PHF21B: variants seen among roughly 807,000 people sequenced by gnomAD.
PHF21B encodes PHD finger protein 21B.
PHF21B carries 22 observed loss-of-function variants against 62.2 expected under a neutral mutation model. That is an observed-to-expected ratio of 0.35 (90% CI 0.25 to 0.51). The LOEUF (loss-of-function observed/expected upper bound fraction) is 0.51. PHF21B is among the 20% of genes least tolerant of loss of function. PHF21B has a pLI of 0.97. For missense variants in PHF21B, 701 were observed against 707.9 expected (o/e 0.99, Z 0.11); for synonymous variants, 341 against 314.7 (o/e 1.08, Z -0.88).
intron 6 of PHF21B, among the ~76,000 whole-genome samples, chr22:44,895,008 G>A (rs1035875964): frequency 2.6e-5 from 4 of 151,422 alleles, no homozygotes; most frequent in African/African-American, 9.7e-5. Context: ...CGGGCACCGC[G>A]GGGGTTCACT....
chr22:44,933,845 G>C (rs538707341), intron 2 of PHF21B, among the ~76,000 whole-genome samples: 1 of 152,138 alleles, frequency 6.6e-6, no homozygotes, highest in African/African-American at 2.4e-5. Flanking sequence ...AGGGTTTTCC[G>C]GGCACAGTAA....
chr22:44,938,142 T>C (rs995904137), intron 2 of PHF21B, among the ~76,000 whole-genome samples: 1 of 152,266 alleles, frequency 6.6e-6, no homozygotes, highest in Non-Finnish European at 1.5e-5. Context: ...TACCTCGATC[T>C]CGGCTCACTG....
chr22:44,997,572 T>C (rs1203380397), intron 2 of PHF21B, among the ~76,000 whole-genome samples: 1 of 152,192 alleles, frequency 6.6e-6, no homozygotes, highest in Non-Finnish European at 1.5e-5. Flanking sequence ...TTGCTGATTG[T>C]AGGAAATGCT....
In PHF21B at chr22:44,906,787, C is replaced by G. The variant is rs1347167614; in HGVS notation, c.831+7035G>C. Among the ~76,000 whole-genome samples the G allele has an allele frequency of 2.6e-5, 4 of 152,222 alleles. No homozygotes were observed. The South Asian group carries it at 8.3e-4, about 31-fold the overall frequency. ...CTGCCCCCCGCTACTGTGCAGCCGC[C>G]GTGACGACAGGGGGAGAAGGAAGGG... On this transcript the variant is annotated intron_variant, in intron 5 of 12. Transcript: ENST00000313237.
intron 2 of PHF21B, among the ~76,000 whole-genome samples, chr22:44,978,626 T>C (rs1167594538): frequency 1.3e-5 from 2 of 152,268 alleles, no homozygotes; most frequent in African/African-American, 4.8e-5. Flanking sequence ...CCCAAAGTGC[T>C]GGGATTACAG....
chr22:44,978,354 TTTTG>T (rs953062108), intron 2 of PHF21B, among the ~76,000 whole-genome samples: 3 of 151,998 alleles, frequency 2.0e-5, no homozygotes, highest in South Asian at 2.1e-4. Context: ...GTGATTTTGT[TTTTG>T]TTTGTTTTGT....
intron 2 of PHF21B, among the ~76,000 whole-genome samples, chr22:44,924,385 A>G (rs2071593324): frequency 6.6e-6 from 1 of 152,214 alleles, no homozygotes; most frequent in Non-Finnish European, 1.5e-5. Flanking sequence ...AGTTAAACTT[A>G]TGTATGGCAA....
intron 2 of PHF21B, among the ~76,000 whole-genome samples, chr22:44,984,044 CCAT>C (rs1344402588): frequency 1.1e-4 from 16 of 148,638 alleles, no homozygotes; most frequent in African/African-American, 3.8e-4. Context: ...ATCATCACCA[CCAT>C]CATCACTATC....
At position 44,916,506 on chromosome 22, in the gene PHF21B, AGGGCT is replaced by A; in HGVS notation, c.333_337del (p.Ala112ProfsTer61). The A allele has an allele frequency of 8.2e-7, 1 of 1,212,568 alleles. No individual in the cohort carries two copies. The highest frequency in any genetic ancestry group is 1.1e-6 in the Non-Finnish European group (1 of 870,936). The allele number at this position is 1,212,568 out of a possible 1,614,324, so 75.1% of individuals were successfully genotyped here. ...GCTGACAGTGTTGTTGGCGGTGGGG[AGGGCT>A]GGGCTGGGGTTCTTGACGCTGACCA... On this transcript the variant is annotated frameshift_variant, in exon 4 of 13. Transcript: ENST00000313237. LOFTEE classifies it high-confidence loss of function.
At chr22:44,979,359 G>A (rs758831676) in intron 2 of PHF21B, among the ~76,000 whole-genome samples, 31 of 152,246 alleles carry the variant, frequency 2.0e-4, no homozygotes, top group Non-Finnish European at 3.8e-4. Flanking sequence ...AGAGGCTGTC[G>A]TGGTCTCTGA....
chr22:44,948,613 C>T (rs995128600), intron 2 of PHF21B, among the ~76,000 whole-genome samples: 2 of 151,806 alleles, frequency 1.3e-5, no homozygotes, highest in South Asian at 2.1e-4. Context: ...ATCGCTCGAA[C>T]CCGGGAGGCA....
rs1374045164 is a variant in PHF21B, at chr22:44,903,030, T to C, written c.832-6947A>G. Among the ~76,000 whole-genome samples, 3 of 152,210 alleles carry C rather than the reference T, an allele frequency of 2.0e-5. 1 individual carries two copies. Among genetic ancestry groups the C allele is most frequent in the Non-Finnish European group, 4.4e-5 (3 of 68,040 alleles). On this transcript the variant is annotated intron_variant, in intron 5 of 12. Coordinates refer to ENST00000313237, the MANE Select transcript of PHF21B (RefSeq NM_138415.5). ...CCACGCCTCCTCTGCCTCTCCCCCATGGTCAAAGAGCATTTCTGCCACCTT... is the reference window on the plus strand; with the variant it reads ...CCACGCCTCCTCTGCCTCTCCCCCACGGTCAAAGAGCATTTCTGCCACCTT...
chr22:44,969,391 C>T (rs191292182), intron 2 of PHF21B, among the ~76,000 whole-genome samples: 2 of 152,320 alleles, frequency 1.3e-5, no homozygotes, highest in East Asian at 3.9e-4. Flanking sequence ...GCCGGCCGGG[C>T]ACGGTGGCTC....
chr22:45,004,667 GC>G (rs1310197536), intron 2 of PHF21B, among the ~76,000 whole-genome samples: 1 of 152,204 alleles, frequency 6.6e-6, no homozygotes, highest in Non-Finnish European at 1.5e-5. Flanking sequence ...CCAAAGGACT[GC>G]AAACAATGTG....
intron 5 of PHF21B, among the ~76,000 whole-genome samples, chr22:44,897,890 C>T (rs1466530112): frequency 6.6e-6 from 1 of 152,146 alleles, no homozygotes; most frequent in Non-Finnish European, 1.5e-5. Flanking sequence ...CTCACTGCAG[C>T]CTCAAACTCC....
intron 5 of PHF21B, chr22:44,902,163 G>C (rs143542550): frequency 4.8e-6 from 1 of 207,126 alleles, no homozygotes; most frequent in Non-Finnish European, 1.0e-5. Context: ...ACCAAAATTG[G>C]TATCAGCAAT....
intron 10 of PHF21B, 33 bp downstream of exon 10, chr22:44,887,930 T>C (rs2070888742): frequency 7.0e-7 from 1 of 1,429,948 alleles, no homozygotes; most frequent in Admixed American, 2.8e-5. Context: ...TCCATGCCAG[T>C]CTGGGGTGAG....
intron 3 of PHF21B, among the ~76,000 whole-genome samples, chr22:44,918,205 G>A (rs1235407670): frequency 6.6e-6 from 1 of 152,266 alleles, no homozygotes; most frequent in African/African-American, 2.4e-5. Context: ...GAAGAGGACT[G>A]GCGTGGGGGC....
chr22:44,933,552 G>A (rs2071783578), intron 2 of PHF21B: 13 of 985,008 alleles, frequency 1.3e-5, no homozygotes, highest in African/African-American at 1.7e-5. Flanking sequence ...GCATCAGAAC[G>A]TGCTGCCCGC....
Sources: gnomAD v4.1 joint callset for allele counts (sites outside exome capture counted in the v4.1 genomes callset) on GRCh38, gnomAD v4.1.1 for gene constraint, MANE v1.5 for transcripts, NCBI Gene and HGNC (gene_info 2026-07-23, HGNC 2026-07-21) for gene names.